The following RYR2 variants were observed in gnomAD, a reference collection of about 807,000 sequenced individuals.
RYR2 encodes cardiac muscle ryanodine receptor-calcium release channel.
In RYR2, 227 loss-of-function variants were observed where a neutral mutation model predicts 601.1. That is an observed-to-expected ratio of 0.38 (90% CI 0.34 to 0.42). The LOEUF is 0.42. Ranked by LOEUF, RYR2 falls within the 10% of genes least tolerant of loss-of-function variation. RYR2 has a pLI of 1.00. For missense variants in RYR2, 4,646 were observed against 6,156.5 expected (o/e 0.75, Z 8.21); for synonymous variants, 2,223 against 2,175.1 (o/e 1.02, Z -0.61).
rs200240810 is a variant in RYR2 at position 237,525,439 on chromosome 1, GTTTTT to G, written c.2823-4984_2823-4980del. Among the ~76,000 whole-genome samples the G allele has an allele frequency of 2.2e-5, 3 of 133,388 alleles. No individual in the cohort carries two copies. In the Admixed American group the frequency reaches 2.3e-4, roughly 10 times the overall value. 87.5% of individuals were successfully genotyped at this position (133,388 alleles called of 152,430 possible). Reference sequence around the variant, plus strand: ...CCGCAATGAACATGTGAGTGCAGGTGTTTTTTTTGTTTGTTTGTTTTTTGTTTTTT... The same window carrying G: ...CCGCAATGAACATGTGAGTGCAGGTGTTTGTTTGTTTGTTTTTTGTTTTTT... On this transcript the variant is annotated intron_variant, in intron 24 of 104. Coordinates refer to ENST00000366574, the MANE Select transcript of RYR2 (RefSeq NM_001035.3).
At position 237,819,880 on chromosome 1, in the gene RYR2, T is replaced by C. The variant is rs1662255286; in HGVS notation, c.14590+688T>C. Reference sequence around the variant, plus strand: ...CAAAAACTTCTAAGCCCTGTGGTTGTTGAGATTTTTAAAAATGACATACAG... The same window carrying C: ...CAAAAACTTCTAAGCCCTGTGGTTGCTGAGATTTTTAAAAATGACATACAG... On this transcript the variant is annotated intron_variant, in intron 101 of 104. Coordinates refer to ENST00000366574, the MANE Select transcript of RYR2 (RefSeq NM_001035.3). This position sits in a 1 kb window ranked among gnomAD's most constrained non-coding sequence, Gnocchi z 4.0. Among the ~76,000 whole-genome samples the C allele has an allele frequency of 6.6e-6, 1 of 151,740 alleles. No individual in the cohort carries two copies. The highest frequency in any genetic ancestry group is 2.4e-5 in the African/African-American group (1 of 41,320).
rs79498914 is a variant in RYR2, at chr1:237,198,359, G to A, written c.49-72138G>A. 4.1e-4 allele frequency among the ~76,000 whole-genome samples: 62 copies of A among 151,834 alleles called. No individual in the cohort carries two copies. In the East Asian group the frequency reaches 7.9e-3, roughly 19 times the overall value. On this transcript the variant is annotated intron_variant, in intron 1 of 104. Transcript: ENST00000366574. Reference sequence around the variant, plus strand: ...GTCATTTTCATGAATTGTGGTGTGCGGTGTTATAAAATCCTTGCATTTTAT... The same window carrying A: ...GTCATTTTCATGAATTGTGGTGTGCAGTGTTATAAAATCCTTGCATTTTAT...
intron 8 of RYR2, among the ~76,000 whole-genome samples, chr1:237,382,904 A>ATT (rs1701652753): frequency 7.5e-6 from 1 of 133,796 alleles, no homozygotes; most frequent in Non-Finnish European, 1.5e-5. Flanking sequence ...TCTGCCCCTC[A>ATT]TTTGTTTTTG....
chr1:237,612,858 A>G (rs1239833052), intron 36 of RYR2, among the ~76,000 whole-genome samples: 1 of 152,248 alleles, frequency 6.6e-6, no homozygotes, highest in Non-Finnish European at 1.5e-5. Context: ...ATGTGAATGG[A>G]TAATGTAAAC....
At chr1:237,624,742 C>T (rs60438889) in intron 39 of RYR2, among the ~76,000 whole-genome samples, 9,683 of 152,052 alleles carry the variant, frequency 0.064, 971 homozygotes, top group African/African-American at 0.22. Flanking sequence ...GTATTCTGGA[C>T]GTGTGTGTGT....
chr1:237,544,406 A>G (rs898050882), intron 25 of RYR2, among the ~76,000 whole-genome samples: 2 of 152,190 alleles, frequency 1.3e-5, no homozygotes, highest in African/African-American at 4.8e-5. Context: ...ACATCTTAAT[A>G]TGAGCTATAT....
intron 1 of RYR2, among the ~76,000 whole-genome samples, chr1:237,112,106 T>TC (rs1233040720): frequency 2.6e-5 from 4 of 152,072 alleles, no homozygotes; most frequent in African/African-American, 9.7e-5. Flanking sequence ...TTTTGCTACT[T>TC]CCCCTACTCT....
chr1:237,422,789 A>G (rs577001746), intron 11 of RYR2, among the ~76,000 whole-genome samples: 3 of 152,184 alleles, frequency 2.0e-5, no homozygotes, highest in Non-Finnish European at 4.4e-5. Context: ...GACTTGGAGC[A>G]CAAGTTCTTT....
chr1:237,660,138 G>A lies in RYR2; in HGVS notation c.8298+64G>A, dbSNP rs1573388166. The A allele has an allele frequency of 5.2e-6, 5 of 956,436 alleles. No homozygotes were observed. In the East Asian group the frequency reaches 1.3e-4, roughly 25 times the overall value. The allele number at this position is 956,436 out of a possible 1,614,324, so 59.2% of individuals were successfully genotyped here. A position where few individuals can be genotyped will look rare whatever the true frequency, so the allele number is the denominator to read the frequency against. ...ATTCTTTTGAAAAATGTGTTTTTTG[G>A]TTATATTTTTTATATTAAAATGTCT... is the stretch of plus-strand genomic sequence containing the variant. On this transcript the variant is annotated intron_variant, in intron 55 of 104. Coordinates refer to ENST00000366574, the MANE Select transcript of RYR2 (RefSeq NM_001035.3).
At chr1:237,500,645 G>T in intron 20 of RYR2, 66 bp from the exon 21 acceptor site, 1 of 1,371,588 alleles carries the variant, frequency 7.3e-7, no homozygotes, top group Non-Finnish European at 9.9e-7. Flanking sequence ...TTTTGACTTT[G>T]GCTCTGAAGC....
At position 237,614,954 on chromosome 1, in the gene RYR2, G is replaced by A. The variant is rs1678306709; in HGVS notation, c.5715+111G>A. ...TGTGTTTATTTCTTTGCATTCCTGT[G>A]TAATGGTAGTTCTTCATAAAATTAA... On this transcript the variant is annotated intron_variant, in intron 37 of 104. Coordinates refer to ENST00000366574, the MANE Select transcript of RYR2 (RefSeq NM_001035.3). This position sits in a 1 kb window ranked among gnomAD's most constrained non-coding sequence, Gnocchi z 4.3. 2 of 1,074,386 alleles carry A rather than the reference G, an allele frequency of 1.9e-6. No individual in the cohort carries two copies. The highest frequency in any genetic ancestry group is 2.9e-5 in the Admixed American group (1 of 34,112). 66.6% of individuals were successfully genotyped at this position (1,074,386 alleles called of 1,614,324 possible). A position where few individuals can be genotyped will look rare whatever the true frequency, so the allele number is the denominator to read the frequency against.
intron 92 of RYR2, among the ~76,000 whole-genome samples, chr1:237,791,223 C>A (rs114111854): frequency 6.6e-5 from 10 of 152,098 alleles, no homozygotes; most frequent in Non-Finnish European, 1.2e-4. Flanking sequence ...TTTTCACTTG[C>A]GGGTATGCTT....
intron 39 of RYR2, among the ~76,000 whole-genome samples, chr1:237,624,629 C>T (rs978922070): frequency 6.6e-6 from 1 of 152,074 alleles, no homozygotes; most frequent in South Asian, 2.1e-4. Context: ...TTAGTGAATG[C>T]CTATGGAAAC....
chr1:237,624,149 G>A (rs906442185), intron 39 of RYR2, among the ~76,000 whole-genome samples: 1 of 152,120 alleles, frequency 6.6e-6, no homozygotes, highest in African/African-American at 2.4e-5. Context: ...CAGGAAATGG[G>A]AAGGGGGACA....
At chr1:237,528,467 A>G (rs896118245) in intron 24 of RYR2, among the ~76,000 whole-genome samples, 3 of 152,202 alleles carry the variant, frequency 2.0e-5, no homozygotes, top group Admixed American at 2.0e-4. Flanking sequence ...ACTGTACTAC[A>G]GAGTACCTTA....
At chr1:237,815,903 A>G (rs1661767728) in intron 100 of RYR2, among the ~76,000 whole-genome samples, 1 of 152,166 alleles carries the variant, frequency 6.6e-6, no homozygotes, top group Non-Finnish European at 1.5e-5. Flanking sequence ...AAACACCTCT[A>G]TGGGAAGCCA....
intron 63 of RYR2, among the ~76,000 whole-genome samples, chr1:237,690,332 C>A (rs1347483922): frequency 1.3e-5 from 2 of 152,260 alleles, no homozygotes; most frequent in African/African-American, 2.4e-5. Context: ...GACTTAAATT[C>A]TCTGAACCTG....
intron 17 of RYR2, among the ~76,000 whole-genome samples, chr1:237,490,416 G>A (rs980425189): frequency 1.3e-5 from 2 of 151,982 alleles, no homozygotes; most frequent in African/African-American, 4.8e-5. Context: ...AAAAACATCG[G>A]GATAGCATGA....
At chr1:237,322,194 G>A (rs1322520095) in intron 2 of RYR2, among the ~76,000 whole-genome samples, 3 of 152,172 alleles carry the variant, frequency 2.0e-5, no homozygotes, top group Admixed American at 6.5e-5. Flanking sequence ...CAAACAGTGA[G>A]ATGGTTGGTA....
Sources: gnomAD v4.1 joint callset for allele counts (sites outside exome capture counted in the v4.1 genomes callset) on GRCh38, gnomAD v4.1.1 for gene constraint, Gnocchi (gnomAD v3.1) non-coding constraint, MANE v1.5 for transcripts, NCBI Gene and HGNC (gene_info 2026-07-23, HGNC 2026-07-21) for gene names.